INTS6: variants seen among roughly 807,000 people sequenced by gnomAD.
The protein encoded by INTS6 is DEAD box protein.
Under a neutral mutation model 104.9 loss-of-function variants are expected in INTS6, and 16 were observed. The observed-to-expected ratio is 0.15, with a 90% CI of 0.10 to 0.23. The LOEUF (loss-of-function observed/expected upper bound fraction) is 0.23. INTS6 is among the 10% of genes least tolerant of loss of function. INTS6 has a pLI of 1.00. For synonymous variants in INTS6, 324 were observed against 358.7 expected (o/e 0.90, Z 1.09); for missense variants, 584 against 1,062.8 (o/e 0.55, Z 6.26).
exon 4 of INTS6, chr13:51,354,162 CT>C (rs1955443636): frequency 6.6e-6 from 1 of 152,096 alleles, no homozygotes; most frequent in Admixed American, 6.5e-5. Flanking sequence ...TCAACAGCCT[CT>C]TTTCTGCACC....
At chr13:51,340,834 C>A in the INTS6 span, 1 of 553,528 alleles carries the variant, frequency 1.8e-6, no homozygotes, top group Non-Finnish European at 3.2e-6. Flanking sequence ...GATCTTCAGA[C>A]CCACAGTTTG....
At chr13:51,351,065 C>T (rs1416972154), downstream of INTS6, among the ~76,000 whole-genome samples, 1 of 152,028 alleles carries the variant, frequency 6.6e-6, no homozygotes, top group African/African-American at 2.4e-5. Flanking sequence ...ATTTGAGTGC[C>T]TAGACACATT....
At chr13:51,336,381 C>T in the INTS6 span, among the ~76,000 whole-genome samples, 27 of 151,948 alleles carry the variant, frequency 1.8e-4, no homozygotes, top group African/African-American at 6.5e-4. Flanking sequence ...CAGCTACTCG[C>T]GAGGCTGAGG....
At chr13:51,450,119 G>A (rs1593786210) in intron 3 of INTS6, 2 of 985,150 alleles carry the variant, frequency 2.0e-6, no homozygotes, top group East Asian at 2.3e-4. Flanking sequence ...GTGGGACTTG[G>A]GAAAATACAA....
intron 3 of INTS6, chr13:51,355,167 C>T (rs746094974): frequency 5.9e-6 from 7 of 1,186,514 alleles, no homozygotes; most frequent in South Asian, 2.7e-5. Flanking sequence ...TTCTTCCAAA[C>T]GTTCTAGCCG....
chr13:51,382,158 T>C (rs1214518063), intron 9 of INTS6, 35 bp from the exon 10 acceptor site: 1 of 1,300,978 alleles, frequency 7.7e-7, no homozygotes, highest in Non-Finnish European at 1.1e-6. Flanking sequence ...CTATCACTAC[T>C]CATTATTTTC....
chr13:51,373,652 C>T (rs1341548152), intron 15 of INTS6, among the ~76,000 whole-genome samples: 1 of 152,230 alleles, frequency 6.6e-6, no homozygotes, highest in Non-Finnish European at 1.5e-5. Context: ...AACGGCACAG[C>T]TTTTGGCTTA....
downstream of INTS6, among the ~76,000 whole-genome samples, chr13:51,353,062 T>G (rs1045890965): frequency 6.6e-6 from 1 of 152,202 alleles, no homozygotes; most frequent in African/African-American, 2.4e-5. Context: ...TTGTCTTTCT[T>G]GTAATATCCT....
At chr13:51,406,047 T>C (rs1465233484) in intron 4 of INTS6, among the ~76,000 whole-genome samples, 1 of 152,142 alleles carries the variant, frequency 6.6e-6, no homozygotes, top group African/African-American at 2.4e-5. Context: ...AATATTTTCA[T>C]GGTTTTCCTT....
chr13:51,368,753 G>A (rs1448713568), intron 16 of INTS6, among the ~76,000 whole-genome samples, 186 bp downstream of exon 16: 3 of 152,052 alleles, frequency 2.0e-5, no homozygotes, highest in Non-Finnish European at 4.4e-5. Context: ...ACCATACCTA[G>A]TACCTTGGAA....
At chr13:51,355,265 T>C in intron 3 of INTS6, 1 of 603,228 alleles carries the variant, frequency 1.7e-6, no homozygotes, top group East Asian at 2.8e-5. Context: ...AGGTGCTCTG[T>C]TTTATATAAG....
At chr13:51,341,780 A>G in the INTS6 span, among the ~76,000 whole-genome samples, 1 of 152,282 alleles carries the variant, frequency 6.6e-6, no homozygotes, top group East Asian at 1.9e-4. Context: ...TGATAATTTT[A>G]TTATCATCCC....
intron 3 of INTS6, chr13:51,449,020 A>T (rs1046300826): frequency 2.6e-5 from 4 of 152,344 alleles, no homozygotes; most frequent in Admixed American, 2.6e-4. Flanking sequence ...TGTGAATAGA[A>T]AACATGAAAT....
chr13:51,365,803 C>T lies in INTS6; in HGVS notation c.2613G>A (p.Leu871=), dbSNP rs146691846. ...GATTGGCTCTTCGATGAATTTCATC[C>T]AAGAAGTTCTCCAGTTGTTCTATTA... ...RMLIEQLENF[L]DEIHRRANQI... The change falls in exon 18 of 18, where the codon TTG becomes TTA. Residue 871 remains leucine, a synonymous_variant. Coordinates refer to ENST00000311234, the MANE Select transcript of INTS6 (RefSeq NM_012141.3). 3.6e-5 allele frequency: 58 copies of T among 1,602,390 alleles called. No individual in the cohort carries two copies. Among genetic ancestry groups the T allele is most frequent in the Non-Finnish European group, 4.7e-5 (55 of 1,174,688 alleles).
At chr13:51,347,956 T>TCC in the INTS6 span, among the ~76,000 whole-genome samples, 28 of 147,260 alleles carry the variant, frequency 1.9e-4, no homozygotes, top group Non-Finnish European at 3.8e-4. Context: ...TGTGCCATCG[T>TCC]CCCCCCCCCC....
chr13:51,450,962 C>G (rs1361651593), intron 3 of INTS6, 63 bp downstream of exon 3: 2 of 1,412,430 alleles, frequency 1.4e-6, no homozygotes, highest in African/African-American at 2.9e-5. Flanking sequence ...AGTTTTTGGA[C>G]TGGACTGTGT....
At chr13:51,368,590 CTT>C (rs1443979369) in intron 16 of INTS6, among the ~76,000 whole-genome samples, 1 of 152,108 alleles carries the variant, frequency 6.6e-6, no homozygotes, top group Non-Finnish European at 1.5e-5. Context: ...ATGACAAGAA[CTT>C]TACAGACATG....
intron 3 of INTS6, chr13:51,439,192 A>G (rs193135931): frequency 1.3e-5 from 2 of 152,350 alleles, no homozygotes; most frequent in Non-Finnish European, 2.9e-5. Context: ...TGTCCCTAAT[A>G]AAGTTTTATA....
intron 13 of INTS6, 41 bp downstream of exon 13, chr13:51,376,007 A>G: frequency 6.5e-7 from 1 of 1,528,016 alleles, no homozygotes; most frequent in Non-Finnish European, 8.8e-7. Flanking sequence ...GACTATAAAG[A>G]AAAAAAATTA....
Sources: gnomAD v4.1 joint callset for allele counts (sites outside exome capture counted in the v4.1 genomes callset) on GRCh38, gnomAD v4.1.1 for gene constraint, MANE v1.5 for transcripts, NCBI Gene and HGNC (gene_info 2026-07-23, HGNC 2026-07-21) for gene names.